The following SPHKAP variants were observed in gnomAD, a reference collection of about 807,000 sequenced individuals.
The protein encoded by SPHKAP is SPHK1 interactor, AKAP domain containing, also known as A-kinase anchor protein SPHKAP.
A neutral mutation model predicts 137.5 loss-of-function variants in SPHKAP; 67 were observed. The observed-to-expected ratio is 0.49, with a 90% CI of 0.40 to 0.60. The LOEUF (loss-of-function observed/expected upper bound fraction) is 0.60, where lower values mean the gene tolerates loss of function less well. Ranked by LOEUF, SPHKAP falls within the 20% of genes least tolerant of loss-of-function variation. SPHKAP has a pLI of 0.00. For synonymous variants in SPHKAP, 813 were observed against 785.3 expected, an observed-to-expected ratio of 1.04 and a Z score of -0.59; for missense variants, 2,097 against 2,069.3, an observed-to-expected ratio of 1.01 and a Z score of -0.26.
At chr2:228,165,262 G>A (rs1700390728) in intron 1 of SPHKAP, among the ~76,000 whole-genome samples, 1 of 151,620 alleles carries the variant, frequency 6.6e-6, no homozygotes, top group Non-Finnish European at 1.5e-5. Context: ...CCAAAGTCCT[G>A]GTCACTTCAA....
At chr2:228,043,289 A>T (rs7580954) in intron 3 of SPHKAP, among the ~76,000 whole-genome samples, 94,605 of 152,064 alleles carry the variant, frequency 0.62, 30,033 homozygotes, top group African/African-American at 0.75. Context: ...GCTAGCTTTA[A>T]TTTAAACATT....
chr2:227,997,507 A>T (rs1187211261), intron 7 of SPHKAP, among the ~76,000 whole-genome samples: 1 of 152,254 alleles, frequency 6.6e-6, no homozygotes, highest in Non-Finnish European at 1.5e-5. Flanking sequence ...TAGTGCCTGT[A>T]TATAAGTATC....
intron 3 of SPHKAP, among the ~76,000 whole-genome samples, chr2:228,088,700 G>A (rs771349209): frequency 1.3e-4 from 20 of 152,168 alleles, no homozygotes; most frequent in Admixed American, 1.3e-3. Flanking sequence ...TTAGTGATGA[G>A]TGAGTTCTCA....
At chr2:228,097,757 G>T (rs1202519816) in intron 3 of SPHKAP, among the ~76,000 whole-genome samples, 1 of 152,126 alleles carries the variant, frequency 6.6e-6, no homozygotes, top group East Asian at 1.9e-4. Context: ...ACAACATGTG[G>T]TAGTTAGCTC....
At chr2:228,058,248 C>A (rs1217283264) in intron 3 of SPHKAP, among the ~76,000 whole-genome samples, 6 of 152,148 alleles carry the variant, frequency 3.9e-5, no homozygotes, top group Non-Finnish European at 8.8e-5. Flanking sequence ...TTGGCAATGT[C>A]TAGAGAAAAC....
intron 2 of SPHKAP, among the ~76,000 whole-genome samples, chr2:228,131,480 T>C (rs1699247414): frequency 7.4e-6 from 1 of 134,694 alleles, no homozygotes; most frequent in South Asian, 2.3e-4. Flanking sequence ...TCTTAGAGCA[T>C]AGTTTCTTTT....
chr2:228,098,725 C>A (rs953479214), intron 3 of SPHKAP, among the ~76,000 whole-genome samples: 1 of 148,862 alleles, frequency 6.7e-6, no homozygotes, highest in Non-Finnish European at 1.5e-5. Flanking sequence ...AACTAACCTG[C>A]ACGTTGTGCA....
chr2:228,023,035 T>G (rs1694900436), intron 5 of SPHKAP, among the ~76,000 whole-genome samples: 1 of 152,222 alleles, frequency 6.6e-6, no homozygotes, highest in African/African-American at 2.4e-5. Flanking sequence ...GCCCAAATTA[T>G]AGAATCATGT....
intron 2 of SPHKAP, among the ~76,000 whole-genome samples, chr2:228,126,585 A>G (rs888523351): frequency 6.6e-6 from 1 of 152,236 alleles, no homozygotes; most frequent in Non-Finnish European, 1.5e-5. Context: ...GGATGACCAT[A>G]TAAGTTATTT....
chr2:228,159,875 C>A (rs1356892114), intron 1 of SPHKAP, among the ~76,000 whole-genome samples: 1 of 152,144 alleles, frequency 6.6e-6, no homozygotes, highest in African/African-American at 2.4e-5. Context: ...GTAAGGGCAT[C>A]TTTGCAGTCT....
At chr2:228,035,370 G>C (rs542832623) in intron 3 of SPHKAP, among the ~76,000 whole-genome samples, 3,492 of 151,994 alleles carry the variant, frequency 0.023, 149 homozygotes, top group African/African-American at 0.08. Flanking sequence ...CACTGCTCAA[G>C]GAAATAAAAG....
chr2:228,131,731 C>G (rs1034011669), intron 2 of SPHKAP: 23 of 955,728 alleles, frequency 2.4e-5, no homozygotes, highest in Non-Finnish European at 2.9e-5. Context: ...AAAAGAAGTA[C>G]TGGTGAAAAG....
At chr2:228,033,655 A>G (rs1447453631) in intron 3 of SPHKAP, among the ~76,000 whole-genome samples, 1 of 152,228 alleles carries the variant, frequency 6.6e-6, no homozygotes, top group African/African-American at 2.4e-5. Context: ...CAAATGTAAA[A>G]GAACAGAAAT....
intron 3 of SPHKAP, among the ~76,000 whole-genome samples, chr2:228,063,215 CCTGT>C (rs781348340): frequency 6.5e-4 from 87 of 133,914 alleles, no homozygotes; most frequent in South Asian, 2.7e-3. Context: ...TATCTATTTA[CCTGT>C]CTATCTACCT....
intron 2 of SPHKAP, among the ~76,000 whole-genome samples, chr2:228,124,877 GA>G (rs1699024351): frequency 6.6e-6 from 1 of 152,102 alleles, no homozygotes; most frequent in Non-Finnish European, 1.5e-5. Flanking sequence ...GTATTTTGCA[GA>G]ATAAAATGAA....
intron 2 of SPHKAP, among the ~76,000 whole-genome samples, chr2:228,123,096 C>A (rs1398639293): frequency 6.6e-6 from 1 of 152,178 alleles, no homozygotes; most frequent in Non-Finnish European, 1.5e-5. Flanking sequence ...CTCTGCTATC[C>A]CTATCCCCAT....
chr2:228,009,526 CTG>C (rs1422820725), intron 7 of SPHKAP, among the ~76,000 whole-genome samples: 20 of 152,068 alleles, frequency 1.3e-4, no homozygotes, highest in Admixed American at 1.3e-3. Context: ...TTCATCTTCT[CTG>C]TAATTTCTGG....
chr2:228,177,629 C>T (rs1244379186), intron 1 of SPHKAP, among the ~76,000 whole-genome samples: 1 of 152,228 alleles, frequency 6.6e-6, no homozygotes, highest in Non-Finnish European at 1.5e-5. Context: ...GATGGAAGAT[C>T]ATAGTCCAGT....
intron 2 of SPHKAP, among the ~76,000 whole-genome samples, chr2:228,123,484 TTTTA>T (rs1314673529): frequency 6.6e-6 from 1 of 152,238 alleles, no homozygotes. Flanking sequence ...CTTTCTTTAA[TTTTA>T]TTTATTTATA....
Sources: allele counts gnomAD v4.1 joint callset (sites outside exome capture counted in the v4.1 genomes callset), GRCh38; gene constraint gnomAD v4.1.1; transcripts MANE v1.5; gene names NCBI Gene and HGNC (gene_info 2026-07-23, HGNC 2026-07-21).